ABCA10: variants seen among roughly 807,000 people sequenced by gnomAD.
The protein encoded by ABCA10 is ATP-binding cassette sub-family A member 10.
Under a neutral mutation model 187.5 loss-of-function variants are expected in ABCA10, and 169 were observed. The observed-to-expected ratio is 0.90, with a 90% confidence interval of 0.80 to 1.02. ABCA10 has a LOEUF of 1.02. Ranked by LOEUF, ABCA10 falls within the 50% of genes least tolerant of loss-of-function variation. ABCA10 has a pLI of 0.00. For synonymous variants in ABCA10, 574 were observed against 601.8 expected (o/e 0.95, Z 0.68); for missense variants, 1,727 against 1,812.4 (o/e 0.95, Z 0.86).
In ABCA10 at chr17:69,175,462, A is replaced by G; in HGVS notation, c.2821T>C (p.Leu941=). ...AAAGGAGAAACGCAGTTTGTGATCA[A>G]CAACAAAAATATGGACCCATCTATA... is the stretch of plus-strand genomic sequence containing the variant. ...GFIDGSIFLL[L]ITNCVSPFIG... Residue 941 remains leucine (L), a synonymous_variant, in exon 23 of 39, where the codon TTG becomes CTG. Coordinates refer to ENST00000690296, the MANE Select transcript of ABCA10 (RefSeq NM_001377321.1). 1 of 1,612,382 alleles carries G rather than the reference A, an allele frequency of 6.2e-7. No individual in the cohort carries two copies. Among genetic ancestry groups the G allele is most frequent in the South Asian group, 1.1e-5 (1 of 90,958 alleles).
In ABCA10 at chr17:69,164,855, A is replaced by G. The variant is rs2074243973; in HGVS notation, c.3282+109T>C. 4 of 1,325,208 alleles carry G rather than the reference A, an allele frequency of 3.0e-6. No individual in the cohort carries two copies. The East Asian group carries it at 9.4e-5, about 31-fold the overall frequency. The allele number at this position is 1,325,208 out of a possible 1,614,324, so 82.1% of individuals were successfully genotyped here. A position where few individuals can be genotyped will look rare whatever the true frequency, so the allele number is the denominator to read the frequency against. On this transcript the variant is annotated intron_variant, in intron 26 of 38. Transcript: ENST00000690296. ...AATCTTATTTTTAGAATTTATCAGCATTGAATAACTTCAAAATTTTATAAA... is the reference window on the plus strand; with the variant it reads ...AATCTTATTTTTAGAATTTATCAGCGTTGAATAACTTCAAAATTTTATAAA...
chr17:69,148,854 C>A lies in ABCA10; in HGVS notation c.4605G>T (p.Trp1535Cys). Residue 1535 changes from tryptophan (W) to cysteine (C), a missense_variant, in exon 39 of 39, where the codon TGG becomes TGT. Trp to Cys is a radical substitution (Grantham distance 215). Coordinates refer to ENST00000690296, the MANE Select transcript of ABCA10 (RefSeq NM_001377321.1). ...VDDKIDTTVE[W>C]KLLPQEDP is the part of the protein sequence containing the mutation. ...AAGGGTCTTCCTGTGGGAGAAGTTT[C>A]CATTCAACTGTTGTATCAATTTTAT... is the stretch of plus-strand genomic sequence containing the variant. 1 of 1,613,048 alleles carries A rather than the reference C, an allele frequency of 6.2e-7. No homozygotes were observed.
chr17:69,234,232 C>T (rs1266966136), intron 1 of ABCA10: 1 of 152,282 alleles, frequency 6.6e-6, no homozygotes, highest in African/African-American at 2.4e-5. Context: ...TTCAGACTCC[C>T]AGGATGCAAG....
chr17:69,204,005 C>T (rs1413011465), intron 9 of ABCA10, among the ~76,000 whole-genome samples: 1 of 152,194 alleles, frequency 6.6e-6, no homozygotes, highest in Non-Finnish European at 1.5e-5. Flanking sequence ...ATCACCAATA[C>T]TTGAGTTGCC....
intron 18 of ABCA10, among the ~76,000 whole-genome samples, chr17:69,188,326 T>C (rs9889351): frequency 3.3e-5 from 5 of 151,906 alleles, no homozygotes; most frequent in Non-Finnish European, 7.4e-5. Context: ...GGAAAGTTCA[T>C]GGAAAGGCCT....
chr17:69,241,821 A>T (rs2074904819), intron 1 of ABCA10, among the ~76,000 whole-genome samples: 1 of 152,238 alleles, frequency 6.6e-6, no homozygotes, highest in Non-Finnish European at 1.5e-5. Flanking sequence ...AATAATGTAT[A>T]TGCCTAGTGC....
chr17:69,209,843 C>T (rs1482535861), intron 9 of ABCA10, among the ~76,000 whole-genome samples: 1 of 152,116 alleles, frequency 6.6e-6, no homozygotes, highest in Non-Finnish European at 1.5e-5. Flanking sequence ...GTACTCTATA[C>T]TGTAGGAAAT....
chr17:69,148,113 A>C lies in ABCA10; in HGVS notation c.*714T>G, dbSNP rs1215051451. 1 of 152,210 alleles carries C rather than the reference A, an allele frequency of 6.6e-6. No individual in the cohort carries two copies. The highest frequency in any genetic ancestry group is 2.4e-5 in the African/African-American group (1 of 41,448). The allele number at this position is 152,210 out of a possible 1,614,324, so 9.4% of individuals were successfully genotyped here. Reference sequence around the variant, plus strand: ...GCTATAACATTAATGCAGCAATTATATAACACAAAAGTGCTATAATGACAT... The same window carrying C: ...GCTATAACATTAATGCAGCAATTATCTAACACAAAAGTGCTATAATGACAT... On this transcript the variant is annotated 3_prime_UTR_variant, in exon 39 of 39. Coordinates refer to ENST00000690296, the MANE Select transcript of ABCA10 (RefSeq NM_001377321.1).
In ABCA10 at chr17:69,149,964, TTA is replaced by T; in HGVS notation, c.4477+18_4477+19del. 1 of 1,559,332 alleles carries T rather than the reference TTA, an allele frequency of 6.4e-7. No individual in the cohort carries two copies. The highest frequency in any genetic ancestry group is 8.8e-7 in the Non-Finnish European group (1 of 1,136,096). On this transcript the variant is annotated intron_variant, in intron 37 of 38. Coordinates refer to ENST00000690296, the MANE Select transcript of ABCA10 (RefSeq NM_001377321.1). ...ATGCAACCAATACATAAAGTCTTATTTATATATACCCAAACTTACTCGCCTCT... is the reference window on the plus strand; with the variant it reads ...ATGCAACCAATACATAAAGTCTTATTTATATACCCAAACTTACTCGCCTCT...
rs1472566514 is a variant in ABCA10 at position 69,148,125 on chromosome 17, T to C, written c.*702A>G. 6.6e-6 allele frequency: 1 copy of C among 151,962 alleles called. No individual in the cohort carries two copies. Among genetic ancestry groups the C allele is most frequent in the Non-Finnish European group, 1.5e-5 (1 of 68,000 alleles). 9.4% of individuals were successfully genotyped at this position (151,962 alleles called of 1,614,324 possible). On this transcript the variant is annotated 3_prime_UTR_variant, in exon 39 of 39. Coordinates refer to ENST00000690296, the MANE Select transcript of ABCA10 (RefSeq NM_001377321.1). ...ATGCAGCAATTATATAACACAAAAG[T>C]GCTATAATGACATGGGAAATGTTCA...
Position 69,193,924 on chromosome 17 carries a change from T to C in ABCA10, c.1411A>G (p.Ile471Val), listed in dbSNP as rs755644044. The C allele has an allele frequency of 6.2e-6, 10 of 1,612,424 alleles. No homozygotes were observed. The highest frequency in any genetic ancestry group is 8.5e-6 in the Non-Finnish European group (10 of 1,178,836). ...AAATTGAACTGTGGACAAAATCCAA[T>C]ATTCTTTCTAATTTCTTCCATGTCA... The part of the protein sequence containing the change: ...ITDMEEIRKN[I>V]GFCPQFNFQF... The change falls in exon 13 of 39, where the codon ATT becomes GTT. Residue 471 changes from isoleucine to valine, a missense_variant. Physicochemically the swap from Ile to Val is conservative, Grantham distance 29. Transcript: ENST00000690296.
chr17:69,181,128 T>C (rs1281687877), intron 22 of ABCA10, among the ~76,000 whole-genome samples: 2 of 152,162 alleles, frequency 1.3e-5, no homozygotes, highest in East Asian at 1.9e-4. Flanking sequence ...GGTGGAGATA[T>C]ACATATACAT....
At chr17:69,165,916 TAAACA>T (rs2074251451) in intron 25 of ABCA10, among the ~76,000 whole-genome samples, 2 of 152,176 alleles carry the variant, frequency 1.3e-5, no homozygotes, top group African/African-American at 4.8e-5. Flanking sequence ...CTGTAAACTA[TAAACA>T]AATCTATTAT....
chr17:69,221,853 G>C lies in ABCA10; in HGVS notation c.242C>G (p.Ala81Gly), dbSNP rs749841082. 4 of 1,612,780 alleles carry C rather than the reference G, an allele frequency of 2.5e-6. No individual in the cohort carries two copies. In the South Asian group the frequency reaches 4.4e-5, roughly 18 times the overall value. The change falls in exon 5 of 39, where the codon GCA becomes GGA. Residue 81 changes from alanine (A) to glycine (G), a missense_variant. By Grantham distance (60) the Ala-to-Gly change is moderately conservative. Coordinates refer to ENST00000690296, the MANE Select transcript of ABCA10 (RefSeq NM_001377321.1). The stretch of plus-strand genomic sequence containing the variant: ...TACAAACCCTTTTAGCCAGTACTTT[G>C]CCAAGTAACAAAAAATTTCACCATG... ...AMHGEIFCYL[A>G]KYWLKGFVAF...
chr17:69,235,783 A>C (rs941123517), intron 1 of ABCA10, among the ~76,000 whole-genome samples: 12 of 149,010 alleles, frequency 8.1e-5, no homozygotes, highest in African/African-American at 2.5e-4. Context: ...TAAAAAAAAG[A>C]AAACAAAAAA....
chr17:69,240,736 C>G (rs1173989374), intron 1 of ABCA10, among the ~76,000 whole-genome samples: 1 of 152,176 alleles, frequency 6.6e-6, no homozygotes, highest in African/African-American at 2.4e-5. Context: ...TTCCTCTTTC[C>G]CAGCAGTGCT....
chr17:69,172,326 T>C (rs1341712753), intron 25 of ABCA10, among the ~76,000 whole-genome samples: 1 of 152,100 alleles, frequency 6.6e-6, no homozygotes, highest in Non-Finnish European at 1.5e-5. Flanking sequence ...TTAGAAATAG[T>C]CTCTAAATGG....
intron 9 of ABCA10, among the ~76,000 whole-genome samples, chr17:69,213,991 T>A (rs1018446786): frequency 1.3e-5 from 2 of 152,222 alleles, no homozygotes; most frequent in Admixed American, 6.5e-5. Flanking sequence ...TTTTTGAGAT[T>A]CGGAAGAACA....
At chr17:69,184,916 TACACACACACAC>T (rs142309537) in intron 20 of ABCA10, among the ~76,000 whole-genome samples, 5 of 141,556 alleles carry the variant, frequency 3.5e-5, no homozygotes, top group South Asian at 2.3e-4. Context: ...ACTTTTTAAA[TACACACACACAC>T]ACACACACAC....
Sources: gnomAD v4.1 joint callset for allele counts (sites outside exome capture counted in the v4.1 genomes callset) on GRCh38, gnomAD v4.1.1 for gene constraint, MANE v1.5 for transcripts, NCBI Gene and HGNC (gene_info 2026-07-23, HGNC 2026-07-21) for gene names.